MAGI2: variants seen among roughly 807,000 people sequenced by gnomAD.
The protein encoded by MAGI2 is membrane-associated guanylate kinase, WW and PDZ domain-containing protein 2.
In MAGI2, 35 loss-of-function variants were observed where a neutral mutation model predicts 133.3. The ratio of observed to expected loss-of-function variants is 0.26; its 90% CI spans 0.20 to 0.35. MAGI2 has a LOEUF of 0.35. Ranked by LOEUF, MAGI2 falls within the 10% of genes least tolerant of loss-of-function variation. The pLI is 1.00. For synonymous variants in MAGI2, 729 were observed against 710.6 expected (o/e 1.03, Z -0.41); for missense variants, 1,636 against 1,863.4 (o/e 0.88, Z 2.25).
At chr7:79,245,780 G>A (rs1370776129) in intron 1 of MAGI2, among the ~76,000 whole-genome samples, 1 of 152,170 alleles carries the variant, frequency 6.6e-6, no homozygotes, top group African/African-American at 2.4e-5. Flanking sequence ...ATGCCCTTGA[G>A]CAAACACAGC....
chr7:79,173,616 G>A (rs1825821748), intron 1 of MAGI2, among the ~76,000 whole-genome samples: 1 of 152,042 alleles, frequency 6.6e-6, no homozygotes, highest in South Asian at 2.1e-4. Context: ...TCAGGTGTAA[G>A]CCACTGTGTC....
At chr7:79,157,339 T>C (rs1470661361) in intron 1 of MAGI2, among the ~76,000 whole-genome samples, 1 of 151,740 alleles carries the variant, frequency 6.6e-6, no homozygotes, top group Non-Finnish European at 1.5e-5. Context: ...CCAACAAAAA[T>C]TAATTTAAAA....
At chr7:78,734,527 T>G (rs771391293) in intron 2 of MAGI2, among the ~76,000 whole-genome samples, 2 of 152,170 alleles carry the variant, frequency 1.3e-5, no homozygotes, top group Non-Finnish European at 2.9e-5. Context: ...AGTCATTCCT[T>G]TGTCAAGTGA....
intron 1 of MAGI2, among the ~76,000 whole-genome samples, chr7:79,075,483 G>T (rs147391004): frequency 6.6e-6 from 1 of 152,138 alleles, no homozygotes; most frequent in Non-Finnish European, 1.5e-5. Context: ...TCATTAGGCT[G>T]GGAGTGGTGG....
intron 6 of MAGI2, among the ~76,000 whole-genome samples, chr7:78,419,310 A>G (rs1798580392): frequency 6.6e-6 from 1 of 152,130 alleles, no homozygotes; most frequent in Non-Finnish European, 1.5e-5. Flanking sequence ...TGCTGAGCTC[A>G]TACTAAGGGC....
intron 1 of MAGI2, chr7:79,415,393 TG>T (rs1846428280): frequency 6.6e-6 from 1 of 152,176 alleles, no homozygotes; most frequent in Non-Finnish European, 1.5e-5. Context: ...GGGAATGGCT[TG>T]CACTTCCACT....
At chr7:78,397,366 TACACACACACACACACAC>T (rs71085528) in intron 6 of MAGI2, among the ~76,000 whole-genome samples, 1 of 147,704 alleles carries the variant, frequency 6.8e-6, no homozygotes, top group African/African-American at 2.5e-5. Flanking sequence ...TTGAAATTCC[TACACACACACACACACAC>T]ACACACACAC....
chr7:78,867,349 A>G (rs1794644589), intron 2 of MAGI2, among the ~76,000 whole-genome samples: 2 of 150,002 alleles, frequency 1.3e-5, no homozygotes, highest in African/African-American at 4.9e-5. Flanking sequence ...ACCATGGAAT[A>G]CTATGCAGCC....
intron 1 of MAGI2, among the ~76,000 whole-genome samples, chr7:79,168,594 C>T (rs1379560592): frequency 1.3e-5 from 2 of 152,000 alleles, no homozygotes; most frequent in Non-Finnish European, 2.9e-5. Context: ...TTGAGTTCCT[C>T]ACTGTCTTCC....
rs1584604781 is a variant in MAGI2, at chr7:78,992,273, A to G, written c.418+14817T>C. Among the ~76,000 whole-genome samples, 9 of 152,132 alleles carry G rather than the reference A, an allele frequency of 5.9e-5. No homozygotes were observed. In the South Asian group the frequency reaches 1.9e-3, roughly 32 times the overall value. On this transcript the variant is annotated intron_variant, in intron 2 of 21. Coordinates refer to ENST00000354212, the MANE Select transcript of MAGI2 (RefSeq NM_012301.4). ...TAATATATACCTTACTTGGATTTGA[A>G]CTTGCAATAAAGATACATCCCTAGA... is the stretch of plus-strand genomic sequence containing the variant.
At chr7:79,284,842 T>G (rs920748444) in intron 1 of MAGI2, among the ~76,000 whole-genome samples, 3 of 152,048 alleles carry the variant, frequency 2.0e-5, no homozygotes, top group Admixed American at 2.0e-4. Flanking sequence ...AGATAAAGGG[T>G]GCTATTTGTG....
chr7:78,274,190 GGATCCTCTGCTGCA>G (rs1335250146), intron 9 of MAGI2, among the ~76,000 whole-genome samples: 2 of 152,144 alleles, frequency 1.3e-5, no homozygotes, highest in African/African-American at 4.8e-5. Flanking sequence ...CTAACAGTCA[GGATCCTCTGCTGCA>G]GGTCTCCTGG....
intron 1 of MAGI2, among the ~76,000 whole-genome samples, chr7:79,133,795 G>A (rs1821143567): frequency 6.6e-6 from 1 of 152,098 alleles, no homozygotes; most frequent in Admixed American, 6.6e-5. Flanking sequence ...TAGAATGCAG[G>A]CAAGATACCC....
At chr7:78,681,537 A>G (rs321977) in intron 2 of MAGI2, among the ~76,000 whole-genome samples, 27,845 of 152,110 alleles carry the variant, frequency 0.18, 2,966 homozygotes, top group East Asian at 0.51. Context: ...AGTCCCCCAG[A>G]TTAGAACCAA....
At position 78,161,667 on chromosome 7, in the gene MAGI2, T is replaced by TAAAAAAAAAAAA. The variant is rs71515391; in HGVS notation, c.2597-1406_2597-1395dup. On this transcript the variant is annotated intron_variant, in intron 15 of 21. Transcript: ENST00000354212. ...AGAGACGTTTTGTTACATCGATACC[T>TAAAAAAAAAAAA]AAAAAAAAAAAAAAAAAAAAGAAAA... 3.6e-3 allele frequency among the ~76,000 whole-genome samples: 248 copies of TAAAAAAAAAAAA among 68,574 alleles called. 4 individuals carry two copies. The highest frequency in any genetic ancestry group is 0.02 in the Middle Eastern group (2 of 98). 45.0% of individuals were successfully genotyped at this position (68,574 alleles called of 152,430 possible). A position where few individuals can be genotyped will look rare whatever the true frequency, so the allele number is the denominator to read the frequency against.
intron 1 of MAGI2, among the ~76,000 whole-genome samples, chr7:79,339,444 G>C (rs1237657542): frequency 7.3e-6 from 1 of 136,096 alleles, no homozygotes; most frequent in Non-Finnish European, 1.5e-5. Context: ...GTAGTTACAG[G>C]TTTGTTTGTT....
intron 18 of MAGI2, among the ~76,000 whole-genome samples, chr7:78,131,532 GA>G (rs1821560440): frequency 6.6e-6 from 1 of 152,176 alleles, no homozygotes; most frequent in Admixed American, 6.5e-5. Context: ...CAGATGTTCA[GA>G]AAACATTAGA....
chr7:79,392,870 A>T (rs1186541922), intron 1 of MAGI2, among the ~76,000 whole-genome samples: 3 of 138,956 alleles, frequency 2.2e-5, no homozygotes, highest in African/African-American at 3.0e-5. Context: ...TTCTCCCAGG[A>T]CAAACTAAAC....
intron 1 of MAGI2, among the ~76,000 whole-genome samples, chr7:79,173,976 T>C (rs763821946): frequency 6.6e-6 from 1 of 151,056 alleles, no homozygotes; most frequent in Non-Finnish European, 1.5e-5. Flanking sequence ...CCACAGGCAG[T>C]TTTTTTTTAT....
Sources: gnomAD v4.1 joint callset for allele counts (sites outside exome capture counted in the v4.1 genomes callset) on GRCh38, gnomAD v4.1.1 for gene constraint, MANE v1.5 for transcripts, NCBI Gene and HGNC (gene_info 2026-07-23, HGNC 2026-07-21) for gene names.